SRCIN1: variants seen among roughly 807,000 people sequenced by gnomAD.
SRCIN1 encodes SRC kinase signaling inhibitor 1.
A neutral mutation model predicts 116.2 loss-of-function variants in SRCIN1; 50 were observed. The observed-to-expected ratio is 0.43, with a 90% CI of 0.34 to 0.54. The LOEUF (loss-of-function observed/expected upper bound fraction) is 0.54. Ranked by LOEUF, SRCIN1 falls within the 20% of genes least tolerant of loss-of-function variation. The pLI is 0.02. For synonymous variants in SRCIN1, 736 were observed against 750.0 expected (o/e 0.98, Z 0.30); for missense variants, 1,446 against 1,672.0 (o/e 0.86, Z 2.36).
At chr17:38,575,285 T>TGTCTCCCAGGCTGGAGTGCA (rs1907350587) in intron 2 of SRCIN1, among the ~76,000 whole-genome samples, 1 of 152,204 alleles carries the variant, frequency 6.6e-6, no homozygotes, top group South Asian at 2.1e-4. Flanking sequence ...GTTCTCACTC[T>TGTCTCCCAGGCTGGAGTGCA]GTCTCCCAGG....
In SRCIN1 at chr17:38,563,711, G is replaced by T; in HGVS notation, c.542-190C>A. Reference sequence around the variant, plus strand: ...GCGGGGGCGCCAGGCCGGCTCTCCAGCCTCTCAAGGCACCCACTGGACTCC... The same window carrying T: ...GCGGGGGCGCCAGGCCGGCTCTCCATCCTCTCAAGGCACCCACTGGACTCC... On this transcript the variant is annotated intron_variant, in intron 4 of 18. Coordinates refer to ENST00000617146, the MANE Select transcript of SRCIN1 (RefSeq NM_025248.3). The surrounding 1 kb of genome is among the most constrained non-coding windows in gnomAD (Gnocchi z 5.8). 1.3e-6 allele frequency: 1 copy of T among 787,396 alleles called. No individual in the cohort carries two copies. Among genetic ancestry groups the T allele is most frequent in the Non-Finnish European group, 2.1e-6 (1 of 467,668 alleles). The allele number at this position is 787,396 out of a possible 1,614,324, so 48.8% of individuals were successfully genotyped here.
At chr17:38,589,352 G>A (rs59078877) in intron 1 of SRCIN1, among the ~76,000 whole-genome samples, 19,880 of 152,258 alleles carry the variant, frequency 0.13, 1,416 homozygotes, top group Non-Finnish European at 0.15. Context: ...GCCAGTCCAC[G>A]CAGCTCATGC....
chr17:38,550,318 C>T (rs1464185339), intron 15 of SRCIN1, among the ~76,000 whole-genome samples: 1 of 151,162 alleles, frequency 6.6e-6, no homozygotes, highest in African/African-American at 2.4e-5. Flanking sequence ...CACGGTGAGA[C>T]CCCATCTCTA....
chr17:38,546,645 T>C (rs1341790827), intron 17 of SRCIN1: 1 of 152,520 alleles, frequency 6.6e-6, no homozygotes, highest in African/African-American at 2.4e-5. Flanking sequence ...GGGGCCAAAG[T>C]GCCAAGGGCA....
chr17:38,595,817 C>T (rs1181173671), intron 1 of SRCIN1, among the ~76,000 whole-genome samples: 6 of 152,374 alleles, frequency 3.9e-5, no homozygotes, highest in African/African-American at 4.8e-5. Context: ...TACATGCACG[C>T]GTGCTTGTAC....
At chr17:38,596,285 G>A (rs1908726354) in intron 1 of SRCIN1, among the ~76,000 whole-genome samples, 1 of 152,194 alleles carries the variant, frequency 6.6e-6, no homozygotes, top group African/African-American at 2.4e-5. Context: ...GGGAGGTGAA[G>A]CAGGTACAGA....
intron 1 of SRCIN1, among the ~76,000 whole-genome samples, chr17:38,589,090 C>G (rs2143392536): frequency 6.6e-6 from 1 of 152,354 alleles, no homozygotes; most frequent in South Asian, 2.1e-4. Flanking sequence ...CTGCCCAGTA[C>G]TTGCTCACTG....
At chr17:38,573,869 G>A (rs1326644601) in intron 2 of SRCIN1, among the ~76,000 whole-genome samples, 1 of 152,250 alleles carries the variant, frequency 6.6e-6, no homozygotes, top group Non-Finnish European at 1.5e-5. Flanking sequence ...CAGCCAAGAT[G>A]GGGCTTGGGA....
chr17:38,550,098 A>C (rs1283694965), intron 15 of SRCIN1, among the ~76,000 whole-genome samples: 1 of 152,206 alleles, frequency 6.6e-6, no homozygotes, highest in African/African-American at 2.4e-5. Context: ...TGGTTTACAT[A>C]CTAGGCATGG....
At chr17:38,539,278 G>A (rs185765717) in intron 18 of SRCIN1, among the ~76,000 whole-genome samples, 376 of 152,202 alleles carry the variant, frequency 2.5e-3, no homozygotes, top group African/African-American at 8.4e-3. Flanking sequence ...CCAATTATGG[G>A]GGGGCTCACG....
At chr17:38,603,702 G>A (rs1323233782) in intron 1 of SRCIN1, among the ~76,000 whole-genome samples, 1 of 152,056 alleles carries the variant, frequency 6.6e-6, no homozygotes, top group Non-Finnish European at 1.5e-5. Flanking sequence ...GCTGCCAGTG[G>A]TGCCTGGGTG....
chr17:38,587,344 GC>G (rs1196495065), intron 1 of SRCIN1, among the ~76,000 whole-genome samples: 1 of 152,050 alleles, frequency 6.6e-6, no homozygotes, highest in East Asian at 1.9e-4. Flanking sequence ...CTCCCCCAGG[GC>G]CCCAGGCCAC....
intron 18 of SRCIN1, among the ~76,000 whole-genome samples, chr17:38,537,557 C>A (rs1292551042): frequency 2.0e-5 from 3 of 150,514 alleles, no homozygotes; most frequent in Admixed American, 6.6e-5. Context: ...TTTGGGAGGC[C>A]GAGGCGGGCG....
rs35779101 is a variant in SRCIN1 at position 38,533,183 on chromosome 17, C to T, written c.*114G>A. The T allele has an allele frequency of 5.1e-3, 7,035 of 1,369,396 alleles. 286 individuals carry two copies. The African/African-American group carries it at 0.093, about 18-fold the overall frequency. 84.8% of individuals were successfully genotyped at this position (1,369,396 alleles called of 1,614,324 possible). A position where few individuals can be genotyped will look rare whatever the true frequency, so the allele number is the denominator to read the frequency against. The stretch of plus-strand genomic sequence containing the variant: ...GGGCCGCACCCTCCTCTTCAGGGCA[C>T]ACCCCTCAGGGCGTCTGGAGAGTAG... On this transcript the variant is annotated 3_prime_UTR_variant, in exon 19 of 19. Coordinates refer to ENST00000617146, the MANE Select transcript of SRCIN1 (RefSeq NM_025248.3).
intron 3 of SRCIN1, among the ~76,000 whole-genome samples, chr17:38,565,408 T>C (rs1300852577): frequency 1.3e-5 from 2 of 152,250 alleles, no homozygotes; most frequent in Non-Finnish European, 2.9e-5. Flanking sequence ...TGCCCAATTA[T>C]ATTTTTTTGT....
chr17:38,598,748 G>A (rs952365185), intron 1 of SRCIN1, among the ~76,000 whole-genome samples: 1 of 152,210 alleles, frequency 6.6e-6, no homozygotes, highest in Non-Finnish European at 1.5e-5. Context: ...ATAAGGCTGT[G>A]GGGGAGCTGA....
At chr17:38,565,998 G>A (rs1188295080) in intron 3 of SRCIN1, among the ~76,000 whole-genome samples, 7 of 152,188 alleles carry the variant, frequency 4.6e-5, no homozygotes, top group South Asian at 2.1e-4. Flanking sequence ...GCTGAAGGGC[G>A]GGGAGCTCTG....
chr17:38,590,306 G>A (rs1343942653), intron 1 of SRCIN1, among the ~76,000 whole-genome samples: 1 of 152,196 alleles, frequency 6.6e-6, no homozygotes, highest in Non-Finnish European at 1.5e-5. Context: ...CACAATCTCA[G>A]TTCACTGCAA....
At chr17:38,567,666 G>C (rs951572668) in intron 3 of SRCIN1, among the ~76,000 whole-genome samples, 1 of 152,094 alleles carries the variant, frequency 6.6e-6, no homozygotes, top group Non-Finnish European at 1.5e-5. Flanking sequence ...CAGAGCTCAG[G>C]AGGAGGCAAG....
Sources: gnomAD v4.1 joint callset for allele counts (sites outside exome capture counted in the v4.1 genomes callset) on GRCh38, gnomAD v4.1.1 for gene constraint, Gnocchi (gnomAD v3.1) non-coding constraint, MANE v1.5 for transcripts, NCBI Gene and HGNC (gene_info 2026-07-23, HGNC 2026-07-21) for gene names.